Variants in COL26A1 observed in about 807,000 individuals in gnomAD.
COL26A1 encodes collagen alpha-1(XXVI) chain.
Under a neutral mutation model 59.3 loss-of-function variants are expected in COL26A1, and 41 were observed. That is an observed-to-expected ratio of 0.69 (90% confidence interval 0.54 to 0.90). The LOEUF (loss-of-function observed/expected upper bound fraction) is 0.90. COL26A1 is among the 40% of genes least tolerant of loss of function. The pLI, the probability that COL26A1 is intolerant of heterozygous loss-of-function variation, is 0.00. For missense variants in COL26A1, 612 were observed against 602.3 expected, an observed-to-expected ratio of 1.02 and a Z score of -0.17; for synonymous variants, 266 against 256.0, an observed-to-expected ratio of 1.04 and a Z score of -0.37.
rs6962779 is a variant in COL26A1, at chr7:101,370,266, T to C, written c.158+7076T>C. Among the ~76,000 whole-genome samples, 517 of 152,296 alleles carry C rather than the reference T, an allele frequency of 3.4e-3. 2 individuals carry two copies. The highest frequency in any genetic ancestry group is 0.011 in the African/African-American group (468 of 41,562). ...CAAGTCCTGGCCACCCCTAACCTTT[T>C]TGGGGCTTGGGGCAAGACTAAAGAT... On this transcript the variant is annotated intron_variant, in intron 1 of 12. Transcript: ENST00000313669.
At chr7:101,376,591 G>A (rs925421587) in intron 1 of COL26A1, among the ~76,000 whole-genome samples, 11 of 152,136 alleles carry the variant, frequency 7.2e-5, no homozygotes, top group African/African-American at 2.7e-4. Context: ...CTGTAGCTGA[G>A]CCCACCCTTG....
In COL26A1 at chr7:101,549,185, C is replaced by T. The variant is rs754895628; in HGVS notation, c.955C>T (p.Arg319Ter). 6 of 1,603,140 alleles carry T rather than the reference C, an allele frequency of 3.7e-6. No homozygotes were observed. Among genetic ancestry groups the T allele is most frequent in the African/African-American group, 2.7e-5 (2 of 74,256 alleles). Residue 319 changes from arginine (R) to a stop codon, truncating the protein, a stop_gained, in exon 9 of 13, where the codon CGA becomes TGA. Coordinates refer to ENST00000313669, the MANE Select transcript of COL26A1 (RefSeq NM_001278563.3). LOFTEE classifies it high-confidence loss of function. ...PPGPPGPPGP[R>*]GPPGPPGTPG... ...TCTGCCCACAGGTCCCCCTGGGCCT[C>T]GAGGTCCCCCAGGACCCCCAGGAAC...
chr7:101,420,885 C>T (rs1792502696), intron 2 of COL26A1, among the ~76,000 whole-genome samples: 1 of 152,054 alleles, frequency 6.6e-6, no homozygotes, highest in Non-Finnish European at 1.5e-5. Flanking sequence ...CTCCAAAGTT[C>T]CAACTCTCCT....
At chr7:101,476,737 CG>C (rs1186585537) in intron 3 of COL26A1, among the ~76,000 whole-genome samples, 1 of 151,158 alleles carries the variant, frequency 6.6e-6, no homozygotes, top group Non-Finnish European at 1.5e-5. Context: ...TTAGTAGAGA[CG>C]GGGTTTTACC....
chr7:101,525,775 T>C lies in COL26A1; in HGVS notation c.386-7307T>C, dbSNP rs185736263. Among the ~76,000 whole-genome samples, 231 of 152,258 alleles carry C rather than the reference T, an allele frequency of 1.5e-3. 1 individual carries two copies. Among genetic ancestry groups the C allele is most frequent in the African/African-American group, 3.2e-3 (132 of 41,556 alleles). The stretch of plus-strand genomic sequence containing the variant: ...CCTCCCAAAGTGCTGGGATTACAGG[T>C]GTGAGCCACTGCACCTGGCACTTCA... On this transcript the variant is annotated intron_variant, in intron 3 of 12. Transcript: ENST00000313669.
At position 101,540,013 on chromosome 7, in the gene COL26A1, C is replaced by G. The variant is rs1177617299; in HGVS notation, c.568C>G (p.Pro190Ala). 6.2e-7 allele frequency: 1 copy of G among 1,613,530 alleles called. No individual in the cohort carries two copies. The highest frequency in any genetic ancestry group is 1.7e-5 in the Admixed American group (1 of 59,990). ...FLPDAIPLAHPVPRQRRPTGP... is the reference protein window; with the variant it reads ...FLPDAIPLAHAVPRQRRPTGP... ...CCCCGACGCCATCCCTCTTGCTCACCCTGTGCCACGACAGAGAAGGCCCAC... is the reference window on the plus strand; with the variant it reads ...CCCCGACGCCATCCCTCTTGCTCACGCTGTGCCACGACAGAGAAGGCCCAC... The change falls in exon 5 of 13, where the codon CCT becomes GCT. Residue 190 changes from proline to alanine, a missense_variant. Transcript: ENST00000313669.
At chr7:101,401,712 GAGGAAGAGGAGGAGA>G (rs934672664) in intron 1 of COL26A1, among the ~76,000 whole-genome samples, 2 of 149,460 alleles carry the variant, frequency 1.3e-5, no homozygotes, top group African/African-American at 5.0e-5. Context: ...GTAGGAGGTA[GAGGAAGAGGAGGAGA>G]AGGAAGAGAA....
At chr7:101,385,876 T>G (rs1046321581) in intron 1 of COL26A1, among the ~76,000 whole-genome samples, 2 of 151,894 alleles carry the variant, frequency 1.3e-5, no homozygotes, top group African/African-American at 4.8e-5. Context: ...GGCTAATTTT[T>G]TGTATTTTTA....
chr7:101,363,006 C>T lies in COL26A1; in HGVS notation c.-27C>T, dbSNP rs777201934. On this transcript the variant is annotated 5_prime_UTR_variant, in exon 1 of 13. Transcript: ENST00000313669. ...CCTGCCGGTCCTCGTGCCCGGGACTCCGGGTCCCCGCGGGCTGCTGCGCAC... is the reference window on the plus strand; with the variant it reads ...CCTGCCGGTCCTCGTGCCCGGGACTTCGGGTCCCCGCGGGCTGCTGCGCAC... 2.1e-5 allele frequency: 33 copies of T among 1,558,832 alleles called. No homozygotes were observed. Among genetic ancestry groups the T allele is most frequent in the Non-Finnish European group, 2.8e-5 (32 of 1,162,280 alleles).
intron 4 of COL26A1, among the ~76,000 whole-genome samples, chr7:101,536,553 G>A (rs1795487559): frequency 6.6e-6 from 1 of 152,250 alleles, no homozygotes; most frequent in Non-Finnish European, 1.5e-5. Flanking sequence ...AGCCAGGACA[G>A]GAGCCAGGCA....
At chr7:101,390,165 T>TTTG (rs1180683924) in intron 1 of COL26A1, among the ~76,000 whole-genome samples, 2 of 142,774 alleles carry the variant, frequency 1.4e-5, no homozygotes, top group Non-Finnish European at 3.0e-5. Flanking sequence ...TTTTTTTTTT[T>TTTG]TTTTTTTTTT....
chr7:101,363,303 G>T (rs1227813183), intron 1 of COL26A1, 113 bp downstream of exon 1: 1 of 907,782 alleles, frequency 1.1e-6, no homozygotes, highest in Non-Finnish European at 1.6e-6. Context: ...GGGGCGATCC[G>T]GGACTTGGGG....
chr7:101,426,813 G>A (rs1276356207), intron 2 of COL26A1, among the ~76,000 whole-genome samples: 1 of 152,180 alleles, frequency 6.6e-6, no homozygotes, highest in Non-Finnish European at 1.5e-5. Context: ...ATCAGAAGCA[G>A]GTCCCAGCAC....
rs72354212 is a variant in COL26A1 at position 101,556,993 on chromosome 7, G to GTGGATGGATGGA, written c.1166-336_1166-325dup. ...GGTGGATAAGTGAGTGGATGGATGG[G>GTGGATGGATGGA]TGGATGGATGGATGGATGGATGGAT... On this transcript the variant is annotated intron_variant, in intron 12 of 12. Transcript: ENST00000313669. Among the ~76,000 whole-genome samples, 77 of 144,792 alleles carry GTGGATGGATGGA rather than the reference G, an allele frequency of 5.3e-4. 1 individual carries two copies. The highest frequency in any genetic ancestry group is 8.9e-4 in the Non-Finnish European group (59 of 66,158). The allele number at this position is 144,792 out of a possible 152,430, so 95.0% of individuals were successfully genotyped here.
chr7:101,492,046 G>T (rs1174244175), intron 3 of COL26A1, among the ~76,000 whole-genome samples: 1 of 152,238 alleles, frequency 6.6e-6, no homozygotes, highest in Admixed American at 6.5e-5. Context: ...ATCCTGCTGG[G>T]ATGGAATGAT....
intron 1 of COL26A1, among the ~76,000 whole-genome samples, chr7:101,373,072 C>T (rs1791230913): frequency 6.6e-6 from 1 of 152,194 alleles, no homozygotes; most frequent in African/African-American, 2.4e-5. Context: ...CCTTGAGGAG[C>T]TTGCCTTCAT....
chr7:101,377,880 G>A (rs114641978), intron 1 of COL26A1, among the ~76,000 whole-genome samples: 1,968 of 152,156 alleles, frequency 0.013, 39 homozygotes, highest in African/African-American at 0.045. Flanking sequence ...TTTGAATGAG[G>A]GCTCCATCTA....
intron 2 of COL26A1, among the ~76,000 whole-genome samples, chr7:101,422,865 TC>T (rs1792556583): frequency 6.6e-6 from 1 of 152,172 alleles, no homozygotes; most frequent in Admixed American, 6.6e-5. Context: ...GGTCTTGAAC[TC>T]CTGGCTTCAA....
At chr7:101,511,315 A>C (rs1408654598) in intron 3 of COL26A1, among the ~76,000 whole-genome samples, 1 of 152,210 alleles carries the variant, frequency 6.6e-6, no homozygotes, top group African/African-American at 2.4e-5. Context: ...CAAACCCTTT[A>C]GAAGGCTTTG....
Sources: allele counts gnomAD v4.1 joint callset (sites outside exome capture counted in the v4.1 genomes callset), GRCh38; gene constraint gnomAD v4.1.1; transcripts MANE v1.5; gene names NCBI Gene and HGNC (gene_info 2026-07-23, HGNC 2026-07-21).